Variants in HEPACAM2 observed in about 807,000 individuals in gnomAD.
HEPACAM2 encodes HEPACAM family member 2, also known as mitotic kinetics regulator.
Under a neutral mutation model 49.6 loss-of-function variants are expected in HEPACAM2, and 49 were observed. The ratio of observed to expected loss-of-function variants is 0.99; its 90% CI spans 0.78 to 1.25. HEPACAM2 has a LOEUF of 1.25. HEPACAM2 is among the 50% of genes most tolerant of loss of function. The probability of loss-of-function intolerance (pLI) is 0.00; values close to 1 mark genes in which losing one functional copy is unlikely to be tolerated. For missense variants in HEPACAM2, 525 were observed against 557.2 expected, an observed-to-expected ratio of 0.94 and a Z score of 0.58; for synonymous variants, 197 against 202.9, an observed-to-expected ratio of 0.97 and a Z score of 0.25.
At chr7:93,213,799 G>A (rs895559553) in intron 3 of HEPACAM2, among the ~76,000 whole-genome samples, 2 of 152,060 alleles carry the variant, frequency 1.3e-5, no homozygotes, top group African/African-American at 4.8e-5. Context: ...GTGACACTGA[G>A]GAGGTGAGAT....
rs1412244265 is a variant in HEPACAM2, at chr7:93,212,711, AC to A, written c.715+2689del. On this transcript the variant is annotated intron_variant, in intron 3 of 9. Coordinates refer to ENST00000394468, the MANE Select transcript of HEPACAM2 (RefSeq NM_001039372.4). ...ACATCTCACACTCTACATGTTGCTT[AC>A]AATATACTTTCTTCTGACTCTACTA... 4.6e-5 allele frequency among the ~76,000 whole-genome samples: 7 copies of A among 152,180 alleles called. No individual in the cohort carries two copies. The East Asian group carries it at 1.2e-3, about 25-fold the overall frequency.
In HEPACAM2 at chr7:93,209,347, A is replaced by G. The variant is rs77261097; in HGVS notation, c.716-471T>C. 2.3e-3 allele frequency among the ~76,000 whole-genome samples: 351 copies of G among 152,130 alleles called. 2 individuals carry two copies. Among genetic ancestry groups the G allele is most frequent in the African/African-American group, 7.7e-3 (321 of 41,546 alleles). ...AGGTACAGTGTGATGTTTTGATCAC[A>G]TGTTTTGATACATGTATACAGTGTG... On this transcript the variant is annotated intron_variant, in intron 3 of 9. Coordinates refer to ENST00000394468, the MANE Select transcript of HEPACAM2 (RefSeq NM_001039372.4).
chr7:93,195,934 G>A (rs774198141), intron 7 of HEPACAM2, 33 bp from the exon 8 acceptor site: 29 of 1,472,336 alleles, frequency 2.0e-5, no homozygotes, highest in South Asian at 3.5e-5. Flanking sequence ...CTTACAAACC[G>A]AATGCCTTGA....
At chr7:93,223,642 T>G (rs1437613653) in intron 1 of HEPACAM2, among the ~76,000 whole-genome samples, 2 of 152,164 alleles carry the variant, frequency 1.3e-5, no homozygotes, top group African/African-American at 4.8e-5. Context: ...TTTTCAAATA[T>G]GTATGCTTTT....
intron 4 of HEPACAM2, among the ~76,000 whole-genome samples, chr7:93,202,460 G>A (rs1179506375): frequency 2.6e-5 from 4 of 151,910 alleles, no homozygotes; most frequent in Non-Finnish European, 4.4e-5. Flanking sequence ...TTAATCTGTG[G>A]TCAAAGATTG....
upstream of HEPACAM2, among the ~76,000 whole-genome samples, chr7:93,227,805 TA>T (rs1794565326): frequency 1.3e-5 from 2 of 152,212 alleles, no homozygotes; most frequent in African/African-American, 4.8e-5. Context: ...ATTGGATGTT[TA>T]TTTTCCCTCT....
At position 93,207,265 on chromosome 7, in the gene HEPACAM2, T is replaced by C. The variant is rs146671536; in HGVS notation, c.1012+1315A>G. On this transcript the variant is annotated intron_variant, in intron 4 of 9. Coordinates refer to ENST00000394468, the MANE Select transcript of HEPACAM2 (RefSeq NM_001039372.4). ...AAGGCATCAATAGAAAAGATATTAA[T>C]GAGTAGTAGCTTTTATAAACTTGTT... Among the ~76,000 whole-genome samples the C allele has an allele frequency of 7.2e-4, 109 of 152,218 alleles. 2 individuals are homozygous for C. Among genetic ancestry groups the C allele is most frequent in the Non-Finnish European group, 6.2e-4 (42 of 67,976 alleles).
intron 4 of HEPACAM2, among the ~76,000 whole-genome samples, chr7:93,204,589 CTT>C (rs1289261886): frequency 6.6e-6 from 1 of 152,108 alleles, no homozygotes; most frequent in East Asian, 1.9e-4. Flanking sequence ...TATTTCCTAA[CTT>C]TGCATTAATA....
At chr7:93,210,772 T>C (rs1483771114) in intron 3 of HEPACAM2, among the ~76,000 whole-genome samples, 2 of 151,896 alleles carry the variant, frequency 1.3e-5, no homozygotes, top group Non-Finnish European at 2.9e-5. Flanking sequence ...TATAGAAAAA[T>C]AGAATGTAGT....
At chr7:93,192,026 T>A (rs1221946709) in intron 9 of HEPACAM2, among the ~76,000 whole-genome samples, 1 of 152,098 alleles carries the variant, frequency 6.6e-6, no homozygotes, top group Admixed American at 6.6e-5. Context: ...ATTCTAGAGT[T>A]TTGTATCTAG....
chr7:93,197,146 A>AT, intron 7 of HEPACAM2, 95 bp downstream of exon 7: 1 of 826,204 alleles, frequency 1.2e-6, no homozygotes, highest in Non-Finnish European at 1.7e-6. Context: ...TTTAGCTCAT[A>AT]TTAATTATAT....
rs761622948 is a variant in HEPACAM2, at chr7:93,192,260, T to C, written c.1379A>G (p.His460Arg). The change falls in exon 9 of 10, where the codon CAT (histidine) becomes CGT (arginine). Residue 460 changes from histidine to arginine, a missense_variant. Transcript: ENST00000394468. ...AATGCAGATTCGTACTTACTCTGGA[T>C]GGTCTTGCTGCTGGGCAGGGATGTG... ...IQHIPAQQQD[H>R]PE is the part of the protein sequence containing the mutation. The C allele has an allele frequency of 1.1e-5, 18 of 1,609,946 alleles. No homozygotes were observed. The highest frequency in any genetic ancestry group is 4.5e-5 in the East Asian group (2 of 44,836).
chr7:93,226,614 G>A (rs1554354080), upstream of HEPACAM2: 1 of 512,354 alleles, frequency 2.0e-6, no homozygotes, highest in Non-Finnish European at 3.5e-6. Context: ...CACCTGTTAT[G>A]TGCTTAGCAA....
In HEPACAM2 at chr7:93,219,459, A is replaced by G; in HGVS notation, c.80-8T>C. On this transcript the variant is annotated splice_region_variant and splice_polypyrimidine_tract_variant and intron_variant, in intron 1 of 9. Coordinates refer to ENST00000394468, the MANE Select transcript of HEPACAM2 (RefSeq NM_001039372.4). ...TCAGCCCCGAGCAAGCACCTGTTGC[A>G]AAGGAAAGGAAAGTTGTGAAGACCT... is the stretch of plus-strand genomic sequence containing the variant. The G allele has an allele frequency of 6.2e-7, 1 of 1,613,638 alleles. No homozygotes were observed. The highest frequency in any genetic ancestry group is 8.5e-7 in the Non-Finnish European group (1 of 1,179,878).
At chr7:93,198,350 A>G (rs1793789975) in intron 4 of HEPACAM2, among the ~76,000 whole-genome samples, 1 of 151,992 alleles carries the variant, frequency 6.6e-6, no homozygotes, top group Non-Finnish European at 1.5e-5. Context: ...TACCAGGGAG[A>G]GATTATTTTA....
chr7:93,215,002 A>G (rs1033190154), intron 3 of HEPACAM2, among the ~76,000 whole-genome samples: 4 of 152,224 alleles, frequency 2.6e-5, no homozygotes, highest in Non-Finnish European at 5.9e-5. Flanking sequence ...AGAGAAGAAT[A>G]AAGTATGTTA....
In HEPACAM2 at chr7:93,201,256, G is replaced by T. The variant is rs376862781; in HGVS notation, c.1013-3646C>A. Among the ~76,000 whole-genome samples the T allele has an allele frequency of 1.4e-4, 21 of 152,130 alleles. No homozygotes were observed. The East Asian group carries it at 2.3e-3, about 17-fold the overall frequency. On this transcript the variant is annotated intron_variant, in intron 4 of 9. Coordinates refer to ENST00000394468, the MANE Select transcript of HEPACAM2 (RefSeq NM_001039372.4). ...ACCTTTCAGTATCTTCATACATAAGGTGTGTATCCAGTTTGACATTTGTTT... is the reference window on the plus strand; with the variant it reads ...ACCTTTCAGTATCTTCATACATAAGTTGTGTATCCAGTTTGACATTTGTTT...
intron 8 of HEPACAM2, among the ~76,000 whole-genome samples, chr7:93,194,950 A>G (rs536127843): frequency 9.8e-6 from 1 of 102,284 alleles, no homozygotes; most frequent in African/African-American, 5.7e-5. Flanking sequence ...CCGGACTGAA[A>G]TGACTTCAAC....
At chr7:93,220,879 C>T (rs1007983593) in intron 1 of HEPACAM2, among the ~76,000 whole-genome samples, 1 of 152,166 alleles carries the variant, frequency 6.6e-6, no homozygotes, top group African/African-American at 2.4e-5. Flanking sequence ...TTGCTGGAAG[C>T]TCTTTGCTTC....
Sources: gnomAD v4.1 joint callset for allele counts (sites outside exome capture counted in the v4.1 genomes callset) on GRCh38, gnomAD v4.1.1 for gene constraint, MANE v1.5 for transcripts, NCBI Gene and HGNC (gene_info 2026-07-23, HGNC 2026-07-21) for gene names.